GALNT13: variants seen among roughly 807,000 people sequenced by gnomAD.
GALNT13 encodes polypeptide N-acetylgalactosaminyltransferase 13.
In GALNT13, 28 loss-of-function variants were observed where a neutral mutation model predicts 64.2. The observed-to-expected ratio is 0.44, with a 90% confidence interval of 0.32 to 0.60. The LOEUF (loss-of-function observed/expected upper bound fraction) is 0.60, where lower values mean the gene tolerates loss of function less well. GALNT13 is among the 20% of genes least tolerant of loss of function. GALNT13 has a pLI of 0.05. For synonymous variants in GALNT13, 214 were observed against 224.6 expected, an observed-to-expected ratio of 0.95 and a Z score of 0.42; for missense variants, 577 against 669.8, an observed-to-expected ratio of 0.86 and a Z score of 1.53.
the GALNT13 span, among the ~76,000 whole-genome samples, chr2:153,084,433 T>A: frequency 6.6e-6 from 1 of 152,192 alleles, no homozygotes; most frequent in Non-Finnish European, 1.5e-5. Flanking sequence ...TTTATAGTTT[T>A]CCTTGTAGAA....
intron 3 of GALNT13, among the ~76,000 whole-genome samples, chr2:153,946,274 G>C (rs1170821686): frequency 6.6e-6 from 1 of 152,128 alleles, no homozygotes; most frequent in East Asian, 1.9e-4. Context: ...TTTTCTGCCA[G>C]TAACACAAAG....
At chr2:153,323,487 A>C in the GALNT13 span, among the ~76,000 whole-genome samples, 22 of 152,170 alleles carry the variant, frequency 1.4e-4, no homozygotes, top group African/African-American at 5.1e-4. Context: ...GAAGCTCTTC[A>C]GTTTAATTAG....
At chr2:153,418,563 G>A in the GALNT13 span, among the ~76,000 whole-genome samples, 2 of 152,166 alleles carry the variant, frequency 1.3e-5, no homozygotes, top group Non-Finnish European at 2.9e-5. Context: ...TATGTCAAAT[G>A]CTGCTTATAG....
At chr2:154,367,065 TCC>T (rs1380217197) in intron 9 of GALNT13, among the ~76,000 whole-genome samples, 17 of 151,316 alleles carry the variant, frequency 1.1e-4, no homozygotes, top group African/African-American at 3.7e-4. Flanking sequence ...TTAAATAAAC[TCC>T]TTTTTTAAAA....
intron 3 of GALNT13, among the ~76,000 whole-genome samples, chr2:153,957,752 G>T (rs977740969): frequency 6.6e-6 from 1 of 152,090 alleles, no homozygotes. Context: ...GTACTTTTTG[G>T]CTATTTCTTT....
the GALNT13 span, among the ~76,000 whole-genome samples, chr2:153,288,202 A>G: frequency 6.6e-6 from 1 of 152,222 alleles, no homozygotes; most frequent in Non-Finnish European, 1.5e-5. Context: ...AAGTCAAAAT[A>G]GTTTAAAAAT....
At chr2:153,703,841 A>C in the GALNT13 span, among the ~76,000 whole-genome samples, 2 of 152,136 alleles carry the variant, frequency 1.3e-5, no homozygotes, top group South Asian at 2.1e-4. Context: ...AACACGCATC[A>C]CTTCTATTGT....
the GALNT13 span, among the ~76,000 whole-genome samples, chr2:153,394,063 C>T: frequency 6.6e-6 from 1 of 151,508 alleles, no homozygotes; most frequent in African/African-American, 2.4e-5. Context: ...GCCAATGAAA[C>T]GTGAACAGAA....
At chr2:154,360,378 A>G (rs1485941578) in intron 9 of GALNT13, among the ~76,000 whole-genome samples, 1 of 152,168 alleles carries the variant, frequency 6.6e-6, no homozygotes, top group Non-Finnish European at 1.5e-5. Context: ...CCAACCATTC[A>G]TGTTCCTGAA....
chr2:153,371,791 A>G, the GALNT13 span, among the ~76,000 whole-genome samples: 2 of 152,210 alleles, frequency 1.3e-5, no homozygotes, highest in Admixed American at 1.3e-4. Context: ...TAGATATTAA[A>G]AAGCTGATTC....
At chr2:153,105,394 T>A in the GALNT13 span, among the ~76,000 whole-genome samples, 1 of 152,090 alleles carries the variant, frequency 6.6e-6, no homozygotes, top group Non-Finnish European at 1.5e-5. Context: ...GAGCTATCTA[T>A]GACAAACCCA....
chr2:154,423,637 C>T (rs1198325994), intron 11 of GALNT13, among the ~76,000 whole-genome samples: 1 of 152,066 alleles, frequency 6.6e-6, no homozygotes, highest in African/African-American at 2.4e-5. Flanking sequence ...AAATACATAG[C>T]CCCCAATTTC....
chr2:154,305,785 G>T (rs373616944), intron 9 of GALNT13, among the ~76,000 whole-genome samples: 3 of 152,202 alleles, frequency 2.0e-5, no homozygotes, highest in African/African-American at 7.2e-5. Flanking sequence ...TGTATTCCTT[G>T]AAGTTTGATA....
At chr2:154,318,056 A>C (rs1694418524) in intron 9 of GALNT13, among the ~76,000 whole-genome samples, 1 of 152,296 alleles carries the variant, frequency 6.6e-6, no homozygotes. Context: ...AATACTACCC[A>C]AAAAGAGGTA....
At chr2:153,556,615 A>G in the GALNT13 span, among the ~76,000 whole-genome samples, 1 of 152,222 alleles carries the variant, frequency 6.6e-6, no homozygotes, top group East Asian at 1.9e-4. Flanking sequence ...TTCAAGCCAT[A>G]TTCTGAAAAC....
At chr2:153,619,312 A>C in the GALNT13 span, among the ~76,000 whole-genome samples, 2 of 151,632 alleles carry the variant, frequency 1.3e-5, no homozygotes, top group Non-Finnish European at 2.9e-5. Context: ...TCTAGTAAAA[A>C]CTCTATGCCT....
intron 6 of GALNT13, among the ~76,000 whole-genome samples, chr2:154,245,025 G>C (rs1275965816): frequency 1.3e-5 from 2 of 151,834 alleles, no homozygotes; most frequent in East Asian, 3.9e-4. Context: ...AGAATTGCTT[G>C]AACCTGGGAG....
chr2:153,920,604 A>G (rs1473440502), intron 2 of GALNT13, among the ~76,000 whole-genome samples: 3 of 152,160 alleles, frequency 2.0e-5, no homozygotes, highest in Non-Finnish European at 4.4e-5. Flanking sequence ...TCCCAAAACC[A>G]CTGCAACAAA....
chr2:153,560,290 A>C, the GALNT13 span, among the ~76,000 whole-genome samples: 1 of 152,072 alleles, frequency 6.6e-6, no homozygotes, highest in Admixed American at 6.5e-5. Context: ...AAAGTTTTCA[A>C]AGGTACATAC....
Sources: allele counts gnomAD v4.1 joint callset (sites outside exome capture counted in the v4.1 genomes callset), GRCh38; gene constraint gnomAD v4.1.1; transcripts MANE v1.5; gene names NCBI Gene and HGNC (gene_info 2026-07-23, HGNC 2026-07-21).